The following CTNNA3 variants were observed in gnomAD, a reference collection of about 807,000 sequenced individuals.
CTNNA3 encodes catenin alpha-3.
CTNNA3 carries 76 observed loss-of-function variants against 95.7 expected under a neutral mutation model. The ratio of observed to expected loss-of-function variants is 0.79; its 90% CI spans 0.66 to 0.96. The LOEUF (loss-of-function observed/expected upper bound fraction) is 0.96. CTNNA3 is among the 40% of genes least tolerant of loss of function. CTNNA3 has a pLI of 0.00. For synonymous variants in CTNNA3, 431 were observed against 374.4 expected (o/e 1.15, Z -1.74); for missense variants, 1,191 against 1,089.8 (o/e 1.09, Z -1.31).
chr10:67,305,104 G>A lies in CTNNA3; in HGVS notation c.580-85234C>T, dbSNP rs530583618. Among the ~76,000 whole-genome samples the A allele has an allele frequency of 9.9e-5, 15 of 152,134 alleles. No homozygotes were observed. In the South Asian group the frequency reaches 1.0e-3, roughly 11 times the overall value. The stretch of plus-strand genomic sequence containing the variant: ...ATCCTTGCTAACACAGTGAAACCCC[G>A]TCTCTACTAAAAATACAAAAAATTA... On this transcript the variant is annotated intron_variant, in intron 5 of 17. Coordinates refer to ENST00000433211, the MANE Select transcript of CTNNA3 (RefSeq NM_013266.4).
chr10:66,382,664 G>T (rs1336297661), intron 11 of CTNNA3, among the ~76,000 whole-genome samples: 1 of 152,152 alleles, frequency 6.6e-6, no homozygotes, highest in East Asian at 1.9e-4. Context: ...TAGCCTAACT[G>T]GGAGACACCT....
chr10:66,015,926 C>A (rs75876323), intron 15 of CTNNA3, among the ~76,000 whole-genome samples: 1,915 of 152,158 alleles, frequency 0.013, 32 homozygotes, highest in African/African-American at 0.044. Flanking sequence ...AAGTATGATA[C>A]TAAATATATA....
intron 2 of CTNNA3, among the ~76,000 whole-genome samples, chr10:67,639,509 G>C (rs369680858): frequency 0.014 from 2,116 of 152,224 alleles, 21 homozygotes; most frequent in Non-Finnish European, 0.024. Context: ...CATTTTATGA[G>C]GCCAGCATCA....
intron 2 of CTNNA3, among the ~76,000 whole-genome samples, chr10:67,613,649 G>A (rs1373673688): frequency 6.6e-6 from 1 of 152,056 alleles, no homozygotes; most frequent in African/African-American, 2.4e-5. Context: ...ACAAAGACAC[G>A]TTACATAATT....
At chr10:67,596,450 G>A (rs149417512) in intron 3 of CTNNA3, among the ~76,000 whole-genome samples, 3 of 152,282 alleles carry the variant, frequency 2.0e-5, no homozygotes, top group African/African-American at 7.2e-5. Context: ...TTGAAAGACA[G>A]GTCTAGTGGT....
At chr10:66,629,997 C>A (rs953549694) in intron 9 of CTNNA3, among the ~76,000 whole-genome samples, 4 of 152,154 alleles carry the variant, frequency 2.6e-5, no homozygotes, top group South Asian at 2.1e-4. Context: ...GCATGATTCT[C>A]AGTTTATAAT....
At chr10:66,860,799 T>C (rs376882825) in intron 7 of CTNNA3, among the ~76,000 whole-genome samples, 2 of 152,192 alleles carry the variant, frequency 1.3e-5, no homozygotes, top group African/African-American at 4.8e-5. Context: ...CCAGCTTTCC[T>C]CTCCAATAAA....
intron 1 of CTNNA3, among the ~76,000 whole-genome samples, chr10:67,681,098 A>G (rs1010444521): frequency 1.3e-5 from 2 of 152,248 alleles, no homozygotes; most frequent in African/African-American, 2.4e-5. Flanking sequence ...AGTGATGTAT[A>G]GGCAAATTGA....
chr10:67,082,366 G>A (rs138418774), intron 7 of CTNNA3, among the ~76,000 whole-genome samples: 9 of 152,188 alleles, frequency 5.9e-5, no homozygotes, highest in African/African-American at 1.4e-4. Flanking sequence ...CACAAATTGC[G>A]ATTTCGCTAG....
chr10:66,198,170 C>T (rs939610232), intron 13 of CTNNA3, among the ~76,000 whole-genome samples: 1 of 152,112 alleles, frequency 6.6e-6, no homozygotes, highest in Non-Finnish European at 1.5e-5. Flanking sequence ...GTGGGGATTG[C>T]TCAAACATTT....
chr10:66,525,407 G>T (rs1393150581), intron 10 of CTNNA3, among the ~76,000 whole-genome samples: 1 of 152,088 alleles, frequency 6.6e-6, no homozygotes, highest in African/African-American at 2.4e-5. Flanking sequence ...GAGGTAGGTA[G>T]GTGTTGTCAT....
At chr10:66,294,068 C>T (rs561232183) in intron 12 of CTNNA3, among the ~76,000 whole-genome samples, 21 of 152,214 alleles carry the variant, frequency 1.4e-4, no homozygotes, top group Admixed American at 4.6e-4. Context: ...AACCATCATG[C>T]TAATAGCCCA....
intron 12 of CTNNA3, among the ~76,000 whole-genome samples, chr10:66,355,796 A>C (rs2092604324): frequency 6.6e-6 from 1 of 151,952 alleles, no homozygotes; most frequent in Non-Finnish European, 1.5e-5. Context: ...AAGTCACAAA[A>C]ATTTATCCTA....
At chr10:66,505,727 A>G (rs1395721564) in intron 11 of CTNNA3, among the ~76,000 whole-genome samples, 5 of 152,078 alleles carry the variant, frequency 3.3e-5, no homozygotes, top group Admixed American at 3.3e-4. Context: ...ACGAGGGAAC[A>G]CCTGTTTTAT....
intron 7 of CTNNA3, among the ~76,000 whole-genome samples, chr10:66,805,248 G>A (rs1170822334): frequency 2.0e-5 from 3 of 151,452 alleles, no homozygotes; most frequent in Non-Finnish European, 4.4e-5. Flanking sequence ...GTGTCTCTTT[G>A]CTATAATAAA....
chr10:66,337,022 T>C (rs1346808245), intron 12 of CTNNA3, among the ~76,000 whole-genome samples: 1 of 152,138 alleles, frequency 6.6e-6, no homozygotes, highest in African/African-American at 2.4e-5. Context: ...ATGTTTTCTA[T>C]TGAGCCAAAT....
chr10:65,932,105 A>T (rs2077263191), intron 17 of CTNNA3, among the ~76,000 whole-genome samples: 1 of 152,182 alleles, frequency 6.6e-6, no homozygotes, highest in Non-Finnish European at 1.5e-5. Context: ...GGGGTTAAGA[A>T]TAGGGACTCT....
At chr10:66,045,994 T>G (rs2079820405) in intron 15 of CTNNA3, among the ~76,000 whole-genome samples, 1 of 152,134 alleles carries the variant, frequency 6.6e-6, no homozygotes, top group South Asian at 2.1e-4. Flanking sequence ...ATGCAGCTGG[T>G]GTGCATGGCT....
At chr10:67,716,509 C>T (rs1303598774) in intron 1 of CTNNA3, among the ~76,000 whole-genome samples, 1 of 152,114 alleles carries the variant, frequency 6.6e-6, no homozygotes, top group Non-Finnish European at 1.5e-5. Context: ...GTGTGATGTT[C>T]CCCTCCCTGT....
Sources: allele counts gnomAD v4.1 joint callset (sites outside exome capture counted in the v4.1 genomes callset), GRCh38; gene constraint gnomAD v4.1.1; transcripts MANE v1.5; gene names NCBI Gene and HGNC (gene_info 2026-07-23, HGNC 2026-07-21).